Variants in ZNF827 observed in about 807,000 individuals in gnomAD.
ZNF827 encodes the protein zinc finger protein 827.
In ZNF827, 13 loss-of-function variants were observed where a neutral mutation model predicts 102.4. The observed-to-expected ratio is 0.13, with a 90% CI of 0.08 to 0.20. The LOEUF is 0.20. Ranked by LOEUF, ZNF827 falls within the 10% of genes least tolerant of loss-of-function variation. The pLI is 1.00. For missense variants in ZNF827, 1,103 were observed against 1,344.4 expected (o/e 0.82, Z 2.81); for synonymous variants, 523 against 536.2 (o/e 0.98, Z 0.34).
chr4:145,904,445 A>G (rs1751667694), intron 1 of ZNF827, among the ~76,000 whole-genome samples: 1 of 152,236 alleles, frequency 6.6e-6, no homozygotes, highest in South Asian at 2.1e-4. Flanking sequence ...ATGGGTGGGA[A>G]GAGAGCTGCA....
In ZNF827 at chr4:145,858,571, G is replaced by A. The variant is rs191869732; in HGVS notation, c.1982-9010C>T. Among the ~76,000 whole-genome samples the A allele has an allele frequency of 2.5e-4, 37 of 150,678 alleles. 1 individual carries two copies. In the East Asian group the frequency reaches 6.7e-3, roughly 27 times the overall value. On this transcript the variant is annotated intron_variant, in intron 5 of 14. Coordinates refer to ENST00000508784, the MANE Select transcript of ZNF827 (RefSeq NM_001306215.2). Reference sequence around the variant, plus strand: ...GTGGGAGGATAGCTTGAGGCCAGGAGTTTGTGGCTGTAGTGAGTTGTAATT... The same window carrying A: ...GTGGGAGGATAGCTTGAGGCCAGGAATTTGTGGCTGTAGTGAGTTGTAATT...
In ZNF827 at chr4:145,855,139, G is replaced by C. The variant is rs59238575; in HGVS notation, c.1982-5578C>G. Among the ~76,000 whole-genome samples the C allele has an allele frequency of 6.2e-3, 945 of 152,310 alleles. 14 individuals carry two copies. Among genetic ancestry groups the C allele is most frequent in the African/African-American group, 0.022 (910 of 41,550 alleles). Reference sequence around the variant, plus strand: ...GATTACAACAAAATATGAAAGGATGGAACACTGGAAATGGCACTGATATAA... The same window carrying C: ...GATTACAACAAAATATGAAAGGATGCAACACTGGAAATGGCACTGATATAA... On this transcript the variant is annotated intron_variant, in intron 5 of 14. Coordinates refer to ENST00000508784, the MANE Select transcript of ZNF827 (RefSeq NM_001306215.2).
chr4:145,864,387 C>T lies in ZNF827; in HGVS notation c.1981+5858G>A, dbSNP rs187943983. Among the ~76,000 whole-genome samples, 28 of 142,246 alleles carry T rather than the reference C, an allele frequency of 2.0e-4. No homozygotes were observed. In the East Asian group the frequency reaches 5.5e-3, roughly 28 times the overall value. The allele number at this position is 142,246 out of a possible 152,430, so 93.3% of individuals were successfully genotyped here. Reference sequence around the variant, plus strand: ...ACTGCTTGAGGCCAGGAGTTCAAGACCAGCCTGGGCAACATAGCAGACCTT... The same window carrying T: ...ACTGCTTGAGGCCAGGAGTTCAAGATCAGCCTGGGCAACATAGCAGACCTT... On this transcript the variant is annotated intron_variant, in intron 5 of 14. Transcript: ENST00000508784.
intron 2 of ZNF827, among the ~76,000 whole-genome samples, chr4:145,900,146 C>T (rs977955201): frequency 1.3e-5 from 2 of 152,116 alleles, no homozygotes; most frequent in Non-Finnish European, 2.9e-5. Flanking sequence ...TGTATCTGGT[C>T]GTTTGAGTGA....
At chr4:145,829,457 A>T (rs1393425490) in intron 7 of ZNF827, among the ~76,000 whole-genome samples, 1 of 152,252 alleles carries the variant, frequency 6.6e-6, no homozygotes, top group Non-Finnish European at 1.5e-5. Context: ...GTACTCGATT[A>T]TCATATATTC....
intron 2 of ZNF827, among the ~76,000 whole-genome samples, chr4:145,898,809 AT>A (rs897673355): frequency 5.9e-5 from 9 of 151,606 alleles, no homozygotes; most frequent in African/African-American, 2.2e-4. Flanking sequence ...CTAAAAGACA[AT>A]TTTTTTTTCA....
intron 1 of ZNF827, among the ~76,000 whole-genome samples, chr4:145,906,256 AC>A (rs1026230544): frequency 4.6e-5 from 7 of 152,194 alleles, no homozygotes; most frequent in African/African-American, 1.7e-4. Context: ...GCAGCTGCTC[AC>A]CCGCTTTCCA....
At chr4:145,854,328 G>A (rs1408118704) in intron 5 of ZNF827, among the ~76,000 whole-genome samples, 2 of 151,882 alleles carry the variant, frequency 1.3e-5, no homozygotes, top group African/African-American at 4.8e-5. Context: ...CTGAATTCAT[G>A]GGACAGAGTG....
intron 4 of ZNF827, among the ~76,000 whole-genome samples, chr4:145,871,783 T>C (rs1217479497): frequency 6.6e-6 from 1 of 152,200 alleles, no homozygotes; most frequent in Non-Finnish European, 1.5e-5. Flanking sequence ...CCTGTAAGAA[T>C]ATGCATTCTG....
chr4:145,775,427 CT>C (rs879787507), intron 10 of ZNF827, among the ~76,000 whole-genome samples: 2,060 of 145,320 alleles, frequency 0.014, 44 homozygotes, highest in African/African-American at 0.048. Context: ...ATTTCCTCAG[CT>C]TTTTTTTTTT....
At chr4:145,781,311 A>T (rs1158802849) in intron 8 of ZNF827, among the ~76,000 whole-genome samples, 1 of 152,078 alleles carries the variant, frequency 6.6e-6, no homozygotes, top group Non-Finnish European at 1.5e-5. Context: ...ATTTGGCTAA[A>T]ACTGCTTCCC....
intron 7 of ZNF827, among the ~76,000 whole-genome samples, chr4:145,830,275 GT>G (rs71592423): frequency 9.3e-4 from 138 of 148,048 alleles, no homozygotes; most frequent in African/African-American, 3.1e-3. Context: ...CAAAAAAAGT[GT>G]TTTTTTTTTA....
chr4:145,849,289 C>T, intron 6 of ZNF827, 33 bp downstream of exon 6: 1 of 1,589,174 alleles, frequency 6.3e-7, no homozygotes, highest in Middle Eastern at 1.7e-4. Context: ...CAATGATTTC[C>T]AATAATTGAC....
chr4:145,841,723 C>T (rs1008775677), intron 7 of ZNF827, among the ~76,000 whole-genome samples: 1 of 152,150 alleles, frequency 6.6e-6, no homozygotes, highest in African/African-American at 2.4e-5. Flanking sequence ...GGGAAGTGCC[C>T]CGATGAGGAC....
chr4:145,924,331 C>A (rs552861296), intron 1 of ZNF827, among the ~76,000 whole-genome samples: 14 of 152,084 alleles, frequency 9.2e-5, no homozygotes, highest in Non-Finnish European at 1.8e-4. Flanking sequence ...TTAAACTGGG[C>A]GGTAGGTTTA....
chr4:145,907,610 C>T lies in ZNF827; in HGVS notation c.44-4395G>A, dbSNP rs566828978. ...GCCAAGGTCCTGGAAGTGCTTCCTG[C>T]GGTACAGTGACCGTGGATTTCACAG... On this transcript the variant is annotated intron_variant, in intron 1 of 14. Coordinates refer to ENST00000508784, the MANE Select transcript of ZNF827 (RefSeq NM_001306215.2). 2.1e-3 allele frequency among the ~76,000 whole-genome samples: 318 copies of T among 152,314 alleles called. 1 individual carries two copies. The highest frequency in any genetic ancestry group is 7.3e-3 in the African/African-American group (303 of 41,576).
chr4:145,777,349 A>G (rs927028119), intron 9 of ZNF827, among the ~76,000 whole-genome samples: 1 of 152,206 alleles, frequency 6.6e-6, no homozygotes. Context: ...TATCATTTGG[A>G]AAGGTTTAAT....
chr4:145,823,406 A>C lies in ZNF827; in HGVS notation c.2383+16T>G, dbSNP rs1743345313. On this transcript the variant is annotated intron_variant, in intron 8 of 14. Coordinates refer to ENST00000508784, the MANE Select transcript of ZNF827 (RefSeq NM_001306215.2). ...AGCAATCAACAGTAGAAGCAAAGCC[A>C]ACAATGTTTCCATACCTGGAGCTGA... 6 of 1,607,168 alleles carry C rather than the reference A, an allele frequency of 3.7e-6. No individual in the cohort carries two copies. The highest frequency in any genetic ancestry group is 5.1e-6 in the Non-Finnish European group (6 of 1,174,500).
At chr4:145,834,288 C>G (rs1744582366) in intron 7 of ZNF827, among the ~76,000 whole-genome samples, 1 of 152,122 alleles carries the variant, frequency 6.6e-6, no homozygotes, top group African/African-American at 2.4e-5. Context: ...GTCTCTGTGC[C>G]CAGTGCAACT....
Sources: allele counts gnomAD v4.1 joint callset (sites outside exome capture counted in the v4.1 genomes callset), GRCh38; gene constraint gnomAD v4.1.1; transcripts MANE v1.5; gene names NCBI Gene and HGNC (gene_info 2026-07-23, HGNC 2026-07-21).